The following EPHB1 variants were observed in gnomAD, a reference collection of about 807,000 sequenced individuals.
EPHB1 encodes EPH receptor B1.
In EPHB1, 30 loss-of-function variants were observed where a neutral mutation model predicts 94.4. The observed-to-expected ratio is 0.32, with a 90% CI of 0.24 to 0.43. EPHB1 has a LOEUF of 0.43. Among genes scored for constraint, EPHB1 ranks in the 20% least tolerant of loss-of-function variants. The pLI, the probability that EPHB1 is intolerant of heterozygous loss-of-function variation, is 1.00. For synonymous variants in EPHB1, 522 were observed against 489.1 expected (o/e 1.07, Z -0.89); for missense variants, 1,055 against 1,308.3 (o/e 0.81, Z 2.99).
intron 3 of EPHB1, among the ~76,000 whole-genome samples, chr3:135,104,816 C>A (rs1430639563): frequency 6.6e-6 from 1 of 152,200 alleles, no homozygotes; most frequent in Non-Finnish European, 1.5e-5. Context: ...TGGCACCCCA[C>A]CCAGCACATG....
At chr3:134,804,031 G>A (rs1246508565) in intron 1 of EPHB1, among the ~76,000 whole-genome samples, 1 of 138,062 alleles carries the variant, frequency 7.2e-6, no homozygotes, top group Non-Finnish European at 1.5e-5. Flanking sequence ...TTTCCCATGT[G>A]CCCCTGCGAG....
chr3:135,040,802 G>A (rs1416896063), intron 3 of EPHB1, among the ~76,000 whole-genome samples: 2 of 152,224 alleles, frequency 1.3e-5, no homozygotes, highest in African/African-American at 4.8e-5. Flanking sequence ...CATTCTATGT[G>A]TGCAAGGTAT....
rs1388140154 is a variant in EPHB1 at position 134,840,970 on chromosome 3, G to C, written c.58+45281G>C. 7.9e-5 allele frequency among the ~76,000 whole-genome samples: 12 copies of C among 152,338 alleles called. No individual in the cohort carries two copies. In the East Asian group the frequency reaches 2.3e-3, roughly 29 times the overall value. On this transcript the variant is annotated intron_variant, in intron 1 of 15. Coordinates refer to ENST00000398015, the MANE Select transcript of EPHB1 (RefSeq NM_004441.5). ...CAGCCGGTCACTTAACAATGCAGGTGTTATTAAGAAGGGTGGGTTTTGCAC... is the reference window on the plus strand; with the variant it reads ...CAGCCGGTCACTTAACAATGCAGGTCTTATTAAGAAGGGTGGGTTTTGCAC...
At chr3:135,250,442 G>T (rs992907882) in intron 15 of EPHB1, among the ~76,000 whole-genome samples, 2 of 152,080 alleles carry the variant, frequency 1.3e-5, no homozygotes, top group Non-Finnish European at 2.9e-5. Flanking sequence ...CCACCCCAGG[G>T]CCTCAGTGGT....
intron 1 of EPHB1, among the ~76,000 whole-genome samples, chr3:134,849,830 TG>T (rs1453874273): frequency 3.3e-5 from 5 of 152,220 alleles, no homozygotes; most frequent in African/African-American, 1.2e-4. Context: ...TCTTAGAATC[TG>T]GCTTAATTGC....
At chr3:135,187,891 T>G (rs1040464085) in intron 10 of EPHB1, among the ~76,000 whole-genome samples, 1 of 152,150 alleles carries the variant, frequency 6.6e-6, no homozygotes, top group Non-Finnish European at 1.5e-5. Context: ...CCCAACTACC[T>G]ACTTCTGTTT....
intron 1 of EPHB1, among the ~76,000 whole-genome samples, chr3:134,858,283 T>C (rs755285516): frequency 1.3e-5 from 2 of 152,090 alleles, no homozygotes; most frequent in Non-Finnish European, 2.9e-5. Context: ...ATTACCATTC[T>C]AAATGCTCAT....
At chr3:135,103,405 T>G (rs1305675016) in intron 3 of EPHB1, among the ~76,000 whole-genome samples, 1 of 152,200 alleles carries the variant, frequency 6.6e-6, no homozygotes, top group African/African-American at 2.4e-5. Context: ...GACTTGAAAT[T>G]TATATTCTGA....
chr3:135,165,831 A>T, intron 7 of EPHB1, 137 bp from the exon 8 acceptor site: 1 of 555,310 alleles, frequency 1.8e-6, no homozygotes, highest in Non-Finnish European at 3.2e-6. Context: ...TGTTTTGGTT[A>T]GACTTACAAC....
Position 134,900,374 on chromosome 3 carries a change from C to T in EPHB1, c.59-25442C>T, listed in dbSNP as rs71331780. Among the ~76,000 whole-genome samples the T allele has an allele frequency of 5.0e-3, 759 of 151,894 alleles. 5 individuals carry two copies. The highest frequency in any genetic ancestry group is 7.5e-3 in the Non-Finnish European group (509 of 67,976). ...AGTAGTAATAGCTGAATAGAGATAA[C>T]CTAAAAAGGATTTGGAACCAGGAAT... is the stretch of plus-strand genomic sequence containing the variant. On this transcript the variant is annotated intron_variant, in intron 1 of 15. Transcript: ENST00000398015.
At chr3:134,966,513 T>A (rs1406662852) in intron 3 of EPHB1, among the ~76,000 whole-genome samples, 4 of 152,234 alleles carry the variant, frequency 2.6e-5, no homozygotes, top group African/African-American at 9.6e-5. Context: ...AATAGCCCAG[T>A]AAACAATAGT....
At chr3:134,973,308 AG>A (rs1934051015) in intron 3 of EPHB1, among the ~76,000 whole-genome samples, 1 of 152,116 alleles carries the variant, frequency 6.6e-6, no homozygotes, top group Non-Finnish European at 1.5e-5. Flanking sequence ...TTGACCAACA[AG>A]GTCCACAGCA....
chr3:135,236,514 GATA>G (rs1276279996), intron 12 of EPHB1, among the ~76,000 whole-genome samples: 2 of 152,120 alleles, frequency 1.3e-5, no homozygotes, highest in Non-Finnish European at 2.9e-5. Flanking sequence ...ATTGTTTAAT[GATA>G]ATAAGAATAT....
chr3:135,047,141 A>G (rs1937020879), intron 3 of EPHB1, among the ~76,000 whole-genome samples: 2 of 152,174 alleles, frequency 1.3e-5, no homozygotes. Flanking sequence ...TCTCCTACAT[A>G]GTGAGGGACA....
chr3:135,117,832 A>G (rs13074164), intron 4 of EPHB1, among the ~76,000 whole-genome samples: 31,253 of 151,998 alleles, frequency 0.21, 3,407 homozygotes, highest in South Asian at 0.29. Flanking sequence ...GGAAATGGCA[A>G]TGAAGGGTGC....
At chr3:135,174,785 A>G (rs922086103) in intron 9 of EPHB1, among the ~76,000 whole-genome samples, 1 of 152,248 alleles carries the variant, frequency 6.6e-6, no homozygotes, top group African/African-American at 2.4e-5. Flanking sequence ...TAGGGGAGTC[A>G]CAAAAATGAC....
At chr3:134,968,855 C>A (rs748991689) in intron 3 of EPHB1, among the ~76,000 whole-genome samples, 2 of 152,172 alleles carry the variant, frequency 1.3e-5, no homozygotes, top group African/African-American at 2.4e-5. Context: ...ATAATGCCTG[C>A]GAGATTCATC....
intron 12 of EPHB1, among the ~76,000 whole-genome samples, chr3:135,222,753 C>G (rs1346467818): frequency 6.6e-6 from 1 of 152,186 alleles, no homozygotes; most frequent in Non-Finnish European, 1.5e-5. Context: ...GATGTGAATG[C>G]CCTCCTGGAC....
intron 5 of EPHB1, among the ~76,000 whole-genome samples, 177 bp downstream of exon 5, chr3:135,133,226 G>T (rs944610840): frequency 5.3e-5 from 8 of 152,216 alleles, no homozygotes; most frequent in African/African-American, 1.9e-4. Context: ...GTGTAGTGTT[G>T]CGCTTCTGAG....
Sources: allele counts gnomAD v4.1 joint callset (sites outside exome capture counted in the v4.1 genomes callset), GRCh38; gene constraint gnomAD v4.1.1; transcripts MANE v1.5; gene names NCBI Gene and HGNC (gene_info 2026-07-23, HGNC 2026-07-21).